ZNF827: variants seen among roughly 807,000 people sequenced by gnomAD.
The protein encoded by ZNF827 is zinc finger protein 827.
Under a neutral mutation model 102.4 loss-of-function variants are expected in ZNF827, and 13 were observed. The ratio of observed to expected loss-of-function variants is 0.13; its 90% CI spans 0.08 to 0.20. ZNF827 has a LOEUF of 0.20. ZNF827 is among the 10% of genes least tolerant of loss of function. The probability of loss-of-function intolerance (pLI) is 1.00; values close to 1 mark genes in which losing one functional copy is unlikely to be tolerated. For synonymous variants in ZNF827, 523 were observed against 536.2 expected, an observed-to-expected ratio of 0.98 and a Z score of 0.34; for missense variants, 1,103 against 1,344.4, an observed-to-expected ratio of 0.82 and a Z score of 2.81.
intron 7 of ZNF827, among the ~76,000 whole-genome samples, chr4:145,842,021 A>C (rs1745470292): frequency 6.6e-6 from 1 of 152,166 alleles, no homozygotes; most frequent in Admixed American, 6.5e-5. Context: ...GAAGTAGAGG[A>C]GGGAGATAGA....
chr4:145,931,465 T>C (rs990471547), intron 1 of ZNF827, among the ~76,000 whole-genome samples: 2 of 152,198 alleles, frequency 1.3e-5, no homozygotes, highest in African/African-American at 4.8e-5. Flanking sequence ...CTGGCCTGGA[T>C]TTTTTTCCAA....
chr4:145,837,155 C>G (rs1403292544), intron 7 of ZNF827, among the ~76,000 whole-genome samples: 9 of 146,454 alleles, frequency 6.1e-5, no homozygotes, highest in South Asian at 2.2e-4. Context: ...TGATAACAGA[C>G]GAGCCTTTAT....
intron 4 of ZNF827, 68 bp downstream of exon 4, chr4:145,885,608 GAC>G (rs1352232909): frequency 2.1e-6 from 3 of 1,438,110 alleles, no homozygotes; most frequent in Non-Finnish European, 2.7e-6. Flanking sequence ...GGTAGACAGA[GAC>G]AGAGAGAGAG....
rs1457229197 is a variant in ZNF827 at position 145,768,896 on chromosome 4, T to A, written c.2861-3158A>T. Among the ~76,000 whole-genome samples the A allele has an allele frequency of 3.1e-3, 48 of 15,392 alleles. 2 individuals carry two copies. The highest frequency in any genetic ancestry group is 5.0e-3 in the African/African-American group (27 of 5,432). 10.1% of individuals were successfully genotyped at this position (15,392 alleles called of 152,430 possible). A position where few individuals can be genotyped will look rare whatever the true frequency, so the allele number is the denominator to read the frequency against. ...AAAAAAAAAAAAAAAAAAAAATATA[T>A]ATATATATATATATATATATTAGGT... On this transcript the variant is annotated intron_variant, in intron 11 of 14. Transcript: ENST00000508784.
At chr4:145,907,596 G>A (rs1224807367) in intron 1 of ZNF827, among the ~76,000 whole-genome samples, 12 of 152,174 alleles carry the variant, frequency 7.9e-5, no homozygotes, top group African/African-American at 2.7e-4. Flanking sequence ...CCAAGGTCCT[G>A]GAAGTGCTTC....
chr4:145,813,775 G>C (rs1742291369), intron 8 of ZNF827, among the ~76,000 whole-genome samples: 1 of 152,216 alleles, frequency 6.6e-6, no homozygotes, highest in Non-Finnish European at 1.5e-5. Flanking sequence ...AAGATAGTCG[G>C]ACTGCAGGAT....
At chr4:145,824,638 C>T (rs1360142407) in intron 7 of ZNF827, among the ~76,000 whole-genome samples, 2 of 152,024 alleles carry the variant, frequency 1.3e-5, no homozygotes, top group Admixed American at 1.3e-4. Context: ...TACCTTAATC[C>T]CCTCCCCCTA....
intron 3 of ZNF827, 96 bp from the exon 4 acceptor site, chr4:145,886,254 T>C: frequency 6.8e-7 from 1 of 1,464,554 alleles, no homozygotes; most frequent in Admixed American, 2.7e-5. Context: ...TTCCTCACCG[T>C]GCAAAGGGCT....
At chr4:145,778,059 AATTAAAAAT>A (rs962839455) in intron 9 of ZNF827, among the ~76,000 whole-genome samples, 2 of 152,126 alleles carry the variant, frequency 1.3e-5, no homozygotes, top group African/African-American at 4.8e-5. Flanking sequence ...TCGAATTTAA[AATTAAAAAT>A]ATTAAAAATA....
At chr4:145,901,552 A>G (rs538861006) in intron 2 of ZNF827, among the ~76,000 whole-genome samples, 1 of 152,228 alleles carries the variant, frequency 6.6e-6, no homozygotes, top group East Asian at 1.9e-4. Flanking sequence ...TTCACAGGAA[A>G]TGTGTTGATT....
chr4:145,916,835 G>C (rs1357067630), intron 1 of ZNF827, among the ~76,000 whole-genome samples: 1 of 152,160 alleles, frequency 6.6e-6, no homozygotes, highest in Non-Finnish European at 1.5e-5. Context: ...AGATACCCTA[G>C]TTGATGGCTC....
chr4:145,938,434 C>T lies in ZNF827; in HGVS notation c.-27G>A. The T allele has an allele frequency of 6.5e-7, 1 of 1,532,292 alleles. No homozygotes were observed. The highest frequency in any genetic ancestry group is 8.8e-7 in the Non-Finnish European group (1 of 1,130,538). The allele number at this position is 1,532,292 out of a possible 1,614,324, so 94.9% of individuals were successfully genotyped here. ...TTCCCCCTTTTCTCACATTCTCCTC[C>T]TTGGTTAATGTGAGATCAAATAAAC... On this transcript the variant is annotated 5_prime_UTR_variant, in exon 1 of 15. Coordinates refer to ENST00000508784, the MANE Select transcript of ZNF827 (RefSeq NM_001306215.2).
chr4:145,802,306 A>T (rs115351252), intron 8 of ZNF827, among the ~76,000 whole-genome samples: 2,033 of 152,304 alleles, frequency 0.013, 18 homozygotes, highest in Middle Eastern at 0.037. Flanking sequence ...GATACAAAGC[A>T]GAGTATCACC....
chr4:145,930,212 C>CCACAAG (rs375761400), intron 1 of ZNF827, among the ~76,000 whole-genome samples: 77 of 152,360 alleles, frequency 5.1e-4, no homozygotes, highest in African/African-American at 1.8e-3. Context: ...CTATCACCCT[C>CCACAAG]CACAAGCACA....
rs1373877457 is a variant in ZNF827, at chr4:145,885,823, G to T, written c.1602C>A (p.Thr534=). 6.2e-7 allele frequency: 1 copy of T among 1,614,132 alleles called. No homozygotes were observed. The highest frequency in any genetic ancestry group is 8.5e-7 in the Non-Finnish European group (1 of 1,179,980). The change falls in exon 4 of 15, where the codon ACC becomes ACA. Residue 534 remains threonine (T), a synonymous_variant. Transcript: ENST00000508784. ...EEPKEDNGLP[T]SFTLNAADRP... ...TGTCGGCAGCATTCAAAGTAAAGGA[G>T]GTGGGCAGGCCGTTATCTTCCTTGG...
chr4:145,806,154 T>C (rs1264991479), intron 8 of ZNF827, among the ~76,000 whole-genome samples: 1 of 148,728 alleles, frequency 6.7e-6, no homozygotes, highest in Non-Finnish European at 1.5e-5. Context: ...GAACTTTTTT[T>C]TTTTTTTTTT....
intron 2 of ZNF827, among the ~76,000 whole-genome samples, chr4:145,900,656 C>T (rs1057025349): frequency 4.6e-5 from 7 of 152,068 alleles, no homozygotes; most frequent in South Asian, 2.1e-4. Flanking sequence ...GTGACCCACC[C>T]GCCTTGGCCC....
intron 1 of ZNF827, among the ~76,000 whole-genome samples, chr4:145,905,863 G>C (rs1173816994): frequency 6.6e-6 from 1 of 152,116 alleles, no homozygotes; most frequent in Non-Finnish European, 1.5e-5. Context: ...ATTAAATGAA[G>C]TACACTCATT....
chr4:145,829,194 C>T (rs773375570), intron 7 of ZNF827, among the ~76,000 whole-genome samples: 1 of 152,010 alleles, frequency 6.6e-6, no homozygotes, highest in Non-Finnish European at 1.5e-5. Flanking sequence ...CAAGACTAAA[C>T]TTGGGAATGA....
Sources: gnomAD v4.1 joint callset for allele counts (sites outside exome capture counted in the v4.1 genomes callset) on GRCh38, gnomAD v4.1.1 for gene constraint, MANE v1.5 for transcripts, NCBI Gene and HGNC (gene_info 2026-07-23, HGNC 2026-07-21) for gene names.